The following ASB4 variants were observed in gnomAD, a reference collection of about 807,000 sequenced individuals.
The protein encoded by ASB4 is ankyrin repeat and SOCS box protein 4.
A neutral mutation model predicts 38.6 loss-of-function variants in ASB4; 35 were observed. That is an observed-to-expected ratio of 0.91 (90% CI 0.69 to 1.20). The LOEUF is 1.20. Ranked by LOEUF, ASB4 falls within the 50% of genes most tolerant of loss-of-function variation. The pLI, the probability that ASB4 is intolerant of heterozygous loss-of-function variation, is 0.00. For missense variants in ASB4, 557 were observed against 527.2 expected (o/e 1.06, Z -0.55); for synonymous variants, 195 against 201.3 (o/e 0.97, Z 0.26).
At chr7:95,513,900 G>A (rs1447850036) in intron 2 of ASB4, among the ~76,000 whole-genome samples, 1 of 152,094 alleles carries the variant, frequency 6.6e-6, no homozygotes, top group Non-Finnish European at 1.5e-5. Context: ...GTCAATTCTG[G>A]TCCATTTCTC....
chr7:95,479,705 T>C (rs1790007832), intron 1 of ASB4, among the ~76,000 whole-genome samples: 1 of 152,200 alleles, frequency 6.6e-6, no homozygotes, highest in Non-Finnish European at 1.5e-5. Context: ...GAGAACCTAC[T>C]ATGTATCAGG....
intron 2 of ASB4, 27 bp downstream of exon 2, chr7:95,496,084 G>A (rs898866612): frequency 1.3e-6 from 2 of 1,594,066 alleles, no homozygotes; most frequent in Non-Finnish European, 1.7e-6. Flanking sequence ...GGCCAACATT[G>A]TTGTCTGCTT....
At chr7:95,536,603 G>A in intron 4 of ASB4, 53 bp downstream of exon 4, 4 of 1,295,892 alleles carry the variant, frequency 3.1e-6, no homozygotes, top group East Asian at 2.3e-5. Flanking sequence ...CTTCCAGACT[G>A]CTCTAGAAGT....
intron 3 of ASB4, among the ~76,000 whole-genome samples, chr7:95,535,631 A>G (rs1790880583): frequency 6.6e-6 from 1 of 152,168 alleles, no homozygotes; most frequent in Admixed American, 6.5e-5. Flanking sequence ...CTAAATGTTA[A>G]AGCTAAATCT....
chr7:95,523,438 A>T (rs751560738), intron 2 of ASB4, among the ~76,000 whole-genome samples: 68 of 152,354 alleles, frequency 4.5e-4, no homozygotes, highest in Non-Finnish European at 7.1e-4. Flanking sequence ...ACTAAAAAAG[A>T]AATACCATTA....
At chr7:95,490,537 G>C (rs1322772422) in intron 1 of ASB4, among the ~76,000 whole-genome samples, 1 of 152,220 alleles carries the variant, frequency 6.6e-6, no homozygotes, top group South Asian at 2.1e-4. Flanking sequence ...ATCCAGCCAC[G>C]AGCAGTGTGT....
chr7:95,497,072 G>A lies in ASB4; in HGVS notation c.487+1015G>A, dbSNP rs186670996. Among the ~76,000 whole-genome samples, 5 of 152,226 alleles carry A rather than the reference G, an allele frequency of 3.3e-5. No individual in the cohort carries two copies. In the East Asian group the frequency reaches 9.7e-4, roughly 29 times the overall value. On this transcript the variant is annotated intron_variant, in intron 2 of 4. Coordinates refer to ENST00000325885, the MANE Select transcript of ASB4 (RefSeq NM_016116.3). ...GGGAAGGACAAGAGGGTAGAGGGGA[G>A]TGTTACAAGATGACATTGGATGTGT...
intron 1 of ASB4, among the ~76,000 whole-genome samples, chr7:95,490,160 C>T (rs1318884353): frequency 6.6e-6 from 1 of 152,216 alleles, no homozygotes; most frequent in African/African-American, 2.4e-5. Flanking sequence ...AATGATTTCA[C>T]TTAAAAAACT....
At position 95,537,680 on chromosome 7, in the gene ASB4, A is replaced by G. The variant is rs1412988541; in HGVS notation, c.1202A>G (p.His401Arg). ...AGAAGAACATTACACAACAGATGCC[A>G]TAGAGCAATTCCTTTGCTTTCCCTC... is the stretch of plus-strand genomic sequence containing the variant. The part of the protein sequence containing the change: ...AIRRTLHNRC[H>R]RAIPLLSLPL... The change falls in exon 5 of 5, where the codon CAT becomes CGT. Residue 401 changes from histidine (H) to arginine (R), a missense_variant. Transcript: ENST00000325885. 3 of 1,613,952 alleles carry G rather than the reference A, an allele frequency of 1.9e-6. No individual in the cohort carries two copies. Among genetic ancestry groups the G allele is most frequent in the Non-Finnish European group, 2.5e-6 (3 of 1,179,858 alleles).
chr7:95,518,497 C>A (rs933567917), intron 2 of ASB4, among the ~76,000 whole-genome samples: 2 of 152,228 alleles, frequency 1.3e-5, no homozygotes, highest in Non-Finnish European at 2.9e-5. Context: ...AAATAACCTT[C>A]TGTTGCTCTA....
chr7:95,512,091 T>C (rs1462122553), intron 2 of ASB4, among the ~76,000 whole-genome samples: 1 of 152,154 alleles, frequency 6.6e-6, no homozygotes, highest in Non-Finnish European at 1.5e-5. Context: ...CACAGGTTGC[T>C]ATCTTCTGTA....
chr7:95,518,766 C>T (rs1790620583), intron 2 of ASB4, among the ~76,000 whole-genome samples: 1 of 152,186 alleles, frequency 6.6e-6, no homozygotes, highest in Non-Finnish European at 1.5e-5. Context: ...CATTGCCACA[C>T]AATTTGACCC....
intron 2 of ASB4, among the ~76,000 whole-genome samples, chr7:95,524,314 C>T (rs114251976): frequency 1.0e-3 from 154 of 152,266 alleles, no homozygotes; most frequent in African/African-American, 3.5e-3. Flanking sequence ...GAGAACTAAA[C>T]AGCACAAGAC....
At chr7:95,548,525 T>C in the ASB4 span, among the ~76,000 whole-genome samples, 5 of 152,240 alleles carry the variant, frequency 3.3e-5, no homozygotes, top group African/African-American at 1.2e-4. Flanking sequence ...GTGTTATTAT[T>C]TGTAATGCTT....
chr7:95,537,998 C>CT lies in ASB4; in HGVS notation c.*240dup. ...GAATGTACTGATAGAACAGTAATAA[C>CT]TAATATGTATAGTGTTCTTACTAAG... is the stretch of plus-strand genomic sequence containing the variant. On this transcript the variant is annotated 3_prime_UTR_variant, in exon 5 of 5. Coordinates refer to ENST00000325885, the MANE Select transcript of ASB4 (RefSeq NM_016116.3). The CT allele has an allele frequency of 8.7e-6, 4 of 461,782 alleles. No individual in the cohort carries two copies. The highest frequency in any genetic ancestry group is 1.6e-5 in the Non-Finnish European group (4 of 257,320). 28.6% of individuals were successfully genotyped at this position (461,782 alleles called of 1,614,324 possible).
At chr7:95,532,245 A>C (rs1462039410) in intron 3 of ASB4, among the ~76,000 whole-genome samples, 2 of 152,226 alleles carry the variant, frequency 1.3e-5, no homozygotes, top group Non-Finnish European at 2.9e-5. Context: ...CTTATTTACA[A>C]GGAACAAGGT....
chr7:95,493,552 A>G (rs1790204557), intron 1 of ASB4, among the ~76,000 whole-genome samples: 2 of 152,098 alleles, frequency 1.3e-5, no homozygotes, highest in Non-Finnish European at 2.9e-5. Flanking sequence ...CAGAGAGACA[A>G]TAGCTTATTT....
At chr7:95,501,536 A>G (rs924755511) in intron 2 of ASB4, among the ~76,000 whole-genome samples, 1 of 152,222 alleles carries the variant, frequency 6.6e-6, no homozygotes, top group African/African-American at 2.4e-5. Context: ...TACTTTCAAC[A>G]AATTTCCAGT....
At chr7:95,536,398 T>C (rs1312466739) in intron 3 of ASB4, 39 bp from the exon 4 acceptor site, 15 of 1,284,562 alleles carry the variant, frequency 1.2e-5, no homozygotes, top group Non-Finnish European at 1.6e-5. Flanking sequence ...GAACCATATA[T>C]GTGCATCAAA....
Sources: allele counts gnomAD v4.1 joint callset (sites outside exome capture counted in the v4.1 genomes callset), GRCh38; gene constraint gnomAD v4.1.1; transcripts MANE v1.5; gene names NCBI Gene and HGNC (gene_info 2026-07-23, HGNC 2026-07-21).